Variants in SLC22A23 observed in about 807,000 individuals in gnomAD.
SLC22A23 encodes the protein solute carrier family 22 member 23.
SLC22A23 carries 26 observed loss-of-function variants against 61.0 expected under a neutral mutation model. The observed-to-expected ratio is 0.43, with a 90% CI of 0.31 to 0.59. The LOEUF (loss-of-function observed/expected upper bound fraction) is 0.59. Among genes scored for constraint, SLC22A23 ranks in the 20% least tolerant of loss-of-function variants. The pLI is 0.11. For missense variants in SLC22A23, 796 were observed against 934.7 expected (o/e 0.85, Z 1.94); for synonymous variants, 430 against 413.9 (o/e 1.04, Z -0.47).
chr6:3,442,951 G>A (rs1358579932), intron 1 of SLC22A23, among the ~76,000 whole-genome samples: 1 of 152,150 alleles, frequency 6.6e-6, no homozygotes, highest in Non-Finnish European at 1.5e-5. Flanking sequence ...TTGAGAGAGC[G>A]GCATTTTCAA....
chr6:3,430,440 G>A (rs4959240), intron 1 of SLC22A23, among the ~76,000 whole-genome samples: 85,083 of 151,802 alleles, frequency 0.56, 24,113 homozygotes, highest in Middle Eastern at 0.75. Context: ...GTGTAAATAC[G>A]TTTTCTTCCT....
chr6:3,357,540 T>A (rs1187414601), intron 3 of SLC22A23, among the ~76,000 whole-genome samples: 2 of 152,160 alleles, frequency 1.3e-5, no homozygotes, highest in African/African-American at 4.8e-5. Context: ...ATCAAAAAGA[T>A]ATCTAAAAGC....
In SLC22A23 at chr6:3,329,908, C is replaced by T. The variant is rs1353121361; in HGVS notation, c.914-5906G>A. 1.3e-5 allele frequency among the ~76,000 whole-genome samples: 2 copies of T among 152,210 alleles called. No homozygotes were observed. The highest frequency in any genetic ancestry group is 2.9e-5 in the Non-Finnish European group (2 of 68,030). ...CGGGCTCAGGAAAGGACAGCGTCTG[C>T]CCACACTGCTCAGGCTCCTAAATTA... On this transcript the variant is annotated intron_variant, in intron 3 of 9. Transcript: ENST00000406686. The surrounding 1 kb of genome is among the most constrained non-coding windows in gnomAD (Gnocchi z 4.8).
chr6:3,335,828 G>A (rs1051865428), intron 3 of SLC22A23, among the ~76,000 whole-genome samples: 50 of 152,282 alleles, frequency 3.3e-4, no homozygotes, highest in African/African-American at 1.1e-3. Context: ...GGTGGCTCAC[G>A]CCTGTAATTC....
In SLC22A23 at chr6:3,322,568, T is replaced by G. The variant is rs1437447825; in HGVS notation, c.1082+1266A>C. Among the ~76,000 whole-genome samples, 1 of 152,142 alleles carries G rather than the reference T, an allele frequency of 6.6e-6. No individual in the cohort carries two copies. Among genetic ancestry groups the G allele is most frequent in the East Asian group, 1.9e-4 (1 of 5,194 alleles). ...AGTTCGGGCAGCGGTGGCTGCTGAG[T>G]GGCCTCTCTGGCAGGTGGCCTTTTC... On this transcript the variant is annotated intron_variant, in intron 4 of 9. Transcript: ENST00000406686. This position sits in a 1 kb window ranked among gnomAD's most constrained non-coding sequence, Gnocchi z 4.1.
intron 3 of SLC22A23, among the ~76,000 whole-genome samples, chr6:3,397,430 A>C (rs1768083915): frequency 6.6e-6 from 1 of 152,220 alleles, no homozygotes; most frequent in African/African-American, 2.4e-5. Context: ...GTACAAGCTC[A>C]GTAAGTGTTA....
At chr6:3,426,075 AG>A (rs2127534992) in intron 1 of SLC22A23, among the ~76,000 whole-genome samples, 1 of 152,344 alleles carries the variant, frequency 6.6e-6, no homozygotes, top group Admixed American at 6.5e-5. Context: ...ATAATTTGTC[AG>A]GGGTCTGTGA....
chr6:3,289,748 G>T lies in SLC22A23; in HGVS notation c.1313+16C>A. The T allele has an allele frequency of 1.3e-6, 2 of 1,598,896 alleles. No homozygotes were observed. The highest frequency in any genetic ancestry group is 1.7e-6 in the Non-Finnish European group (2 of 1,166,664). ...GCCCCCTCCCACCCAGCTGGCACTT[G>T]TCCTCTGTGACTCACGAGTTCACAC... is the stretch of plus-strand genomic sequence containing the variant. On this transcript the variant is annotated intron_variant, in intron 6 of 9. Coordinates refer to ENST00000406686, the MANE Select transcript of SLC22A23 (RefSeq NM_015482.2).
chr6:3,386,649 C>T lies in SLC22A23; in HGVS notation c.913+23539G>A, dbSNP rs1767328654. The stretch of plus-strand genomic sequence containing the variant: ...GAGAGCTCAGAACGGCCTTCCAGGG[C>T]CAACCCTCTTGCTCTACAGATGAAA... On this transcript the variant is annotated intron_variant, in intron 3 of 9. Transcript: ENST00000406686. This position sits in a 1 kb window ranked among gnomAD's most constrained non-coding sequence, Gnocchi z 4.4. 6.6e-6 allele frequency among the ~76,000 whole-genome samples: 1 copy of T among 152,224 alleles called. No homozygotes were observed. Among genetic ancestry groups the T allele is most frequent in the African/African-American group, 2.4e-5 (1 of 41,470 alleles).
Position 3,372,253 on chromosome 6 carries a change from C to T in SLC22A23, c.913+37935G>A, listed in dbSNP as rs1079285. ...AAGTCTGAAGCAGGGTAAACACCATCGGGCCAGTAAATCTTGTCCATCTAG... is the reference window on the plus strand; with the variant it reads ...AAGTCTGAAGCAGGGTAAACACCATTGGGCCAGTAAATCTTGTCCATCTAG... On this transcript the variant is annotated intron_variant, in intron 3 of 9. Coordinates refer to ENST00000406686, the MANE Select transcript of SLC22A23 (RefSeq NM_015482.2). This position sits in a 1 kb window ranked among gnomAD's most constrained non-coding sequence, Gnocchi z 4.7. 0.34 allele frequency among the ~76,000 whole-genome samples: 52,016 copies of T among 152,030 alleles called. 9,050 individuals are homozygous for T. Among genetic ancestry groups the T allele is most frequent in the Middle Eastern group, 0.39 (114 of 292 alleles).
intron 6 of SLC22A23, among the ~76,000 whole-genome samples, chr6:3,288,468 A>G (rs1438438176): frequency 6.6e-6 from 1 of 152,150 alleles, no homozygotes; most frequent in African/African-American, 2.4e-5. Context: ...TAATCCAGCA[A>G]CTGATTTGGT....
intron 3 of SLC22A23, among the ~76,000 whole-genome samples, chr6:3,382,167 A>G (rs1766992912): frequency 6.6e-6 from 1 of 152,230 alleles, no homozygotes; most frequent in Non-Finnish European, 1.5e-5. Flanking sequence ...ACAGAGTGAC[A>G]GGGTTGAGCC....
At chr6:3,382,394 C>G (rs1014735876) in intron 3 of SLC22A23, among the ~76,000 whole-genome samples, 2 of 152,242 alleles carry the variant, frequency 1.3e-5, no homozygotes, top group African/African-American at 2.4e-5. Flanking sequence ...CACTTACGCC[C>G]TAGTCTGAAA....
intron 1 of SLC22A23, among the ~76,000 whole-genome samples, chr6:3,426,393 C>T (rs1054660333): frequency 2.6e-5 from 4 of 152,122 alleles, no homozygotes; most frequent in African/African-American, 4.8e-5. Context: ...ACAAATTTCA[C>T]AAGTCAATTA....
intron 1 of SLC22A23, among the ~76,000 whole-genome samples, chr6:3,424,807 G>A (rs1397711331): frequency 6.6e-6 from 1 of 152,116 alleles, no homozygotes; most frequent in East Asian, 1.9e-4. Flanking sequence ...CGGCAGAGTC[G>A]AACAACTGAA....
chr6:3,273,417 A>G lies in SLC22A23; in HGVS notation c.1704-5T>C. ...ACCAGCCCCAGCCCGCCACACCTGC[A>G]GGGGGAGGGAAGCACAGGGATTGCT... On this transcript the variant is annotated splice_region_variant and splice_polypyrimidine_tract_variant and intron_variant, in intron 9 of 9. Transcript: ENST00000406686. 1 of 1,611,820 alleles carries G rather than the reference A, an allele frequency of 6.2e-7. No individual in the cohort carries two copies. The highest frequency in any genetic ancestry group is 2.2e-5 in the East Asian group (1 of 44,868).
chr6:3,285,148 G>A (rs1276865086), intron 7 of SLC22A23, 37 bp from the exon 8 acceptor site: 2 of 1,612,432 alleles, frequency 1.2e-6, no homozygotes, highest in Admixed American at 3.3e-5. Context: ...ACACGGACAA[G>A]GGCCAAGCAA....
chr6:3,384,385 T>C (rs1184198740), intron 3 of SLC22A23, among the ~76,000 whole-genome samples: 1 of 152,232 alleles, frequency 6.6e-6, no homozygotes, highest in Non-Finnish European at 1.5e-5. Flanking sequence ...AAGTAAAAAT[T>C]ACGAATGCTG....
intron 4 of SLC22A23, chr6:3,311,613 T>C (rs1264829864): frequency 6.6e-6 from 1 of 152,212 alleles, no homozygotes; most frequent in African/African-American, 2.4e-5. Context: ...ATGAGTATCA[T>C]GAAATCGAAT....
Sources: gnomAD v4.1 joint callset for allele counts (sites outside exome capture counted in the v4.1 genomes callset) on GRCh38, gnomAD v4.1.1 for gene constraint, Gnocchi (gnomAD v3.1) non-coding constraint, MANE v1.5 for transcripts, NCBI Gene and HGNC (gene_info 2026-07-23, HGNC 2026-07-21) for gene names.